The following TEX9 variants were observed in gnomAD, a reference collection of about 807,000 sequenced individuals.
TEX9 encodes the protein testis expressed 9.
Under a neutral mutation model 59.6 loss-of-function variants are expected in TEX9, and 74 were observed. The ratio of observed to expected loss-of-function variants is 1.24; its 90% CI spans 1.03 to 1.51. The LOEUF (loss-of-function observed/expected upper bound fraction) is 1.51, where lower values mean the gene tolerates loss of function less well. TEX9 is among the 40% of genes most tolerant of loss of function. The pLI, the probability that TEX9 is intolerant of heterozygous loss-of-function variation, is 0.00. For missense variants in TEX9, 522 were observed against 447.8 expected, an observed-to-expected ratio of 1.17 and a Z score of -1.49; for synonymous variants, 186 against 152.2, an observed-to-expected ratio of 1.22 and a Z score of -1.64.
At chr15:56,447,783 TA>T (rs2050918151), downstream of TEX9, 7 of 152,120 alleles carry the variant, frequency 4.6e-5, no homozygotes, top group Non-Finnish European at 1.5e-5. Flanking sequence ...ATCACTTCCT[TA>T]TAAACCTGTG....
At chr15:56,441,409 C>T (rs2050812108) in intron 12 of TEX9, among the ~76,000 whole-genome samples, 1 of 151,946 alleles carries the variant, frequency 6.6e-6, no homozygotes, top group African/African-American at 2.4e-5. Flanking sequence ...ATTGATATTG[C>T]TTTCAATACG....
the TEX9 span, among the ~76,000 whole-genome samples, chr15:56,457,805 C>A: frequency 6.6e-6 from 1 of 151,740 alleles, no homozygotes; most frequent in Non-Finnish European, 1.5e-5. Context: ...CAGAGCAAGA[C>A]CCTGTCTCTT....
chr15:56,424,198 C>G (rs1596234587), intron 10 of TEX9, among the ~76,000 whole-genome samples: 3 of 152,258 alleles, frequency 2.0e-5, no homozygotes, highest in African/African-American at 7.2e-5. Context: ...TATCTTCTTG[C>G]TGAACTGGCC....
intron 1 of TEX9, among the ~76,000 whole-genome samples, chr15:56,292,096 A>G (rs1383285612): frequency 1.3e-5 from 2 of 152,228 alleles, no homozygotes; most frequent in Non-Finnish European, 2.9e-5. Context: ...TGATTATTAT[A>G]TGGTGCTATG....
intron 12 of TEX9, chr15:56,431,614 A>G (rs1162679444): frequency 5.9e-6 from 5 of 843,388 alleles, no homozygotes; most frequent in Non-Finnish European, 8.9e-6. Context: ...TTATGACACT[A>G]AGTTCAAAAG....
At chr15:56,447,043 G>A, downstream of TEX9, 1 of 734,828 alleles carries the variant, frequency 1.4e-6, no homozygotes, top group African/African-American at 1.8e-5. Flanking sequence ...ACTCAAAGAG[G>A]GAATACAGCG....
rs1175622604 is a variant in TEX9 at position 56,339,400 on chromosome 15, A to C, written c.-106-34041A>C. Reference sequence around the variant, plus strand: ...TCCTTCTCCAAAAAAAAAAAAAAAAAAAAAAAAAAAAAAACAGGAGAATAA... The same window carrying C: ...TCCTTCTCCAAAAAAAAAAAAAAAACAAAAAAAAAAAAAACAGGAGAATAA... On this transcript the variant is annotated intron_variant, in intron 1 of 5. Coordinates refer to the TEX9 transcript ENST00000560827. 2.2e-5 allele frequency among the ~76,000 whole-genome samples: 3 copies of C among 135,244 alleles called. 1 individual carries two copies. The highest frequency in any genetic ancestry group is 4.7e-4 in the South Asian group (2 of 4,218). The allele number at this position is 135,244 out of a possible 152,430, so 88.7% of individuals were successfully genotyped here.
At chr15:56,294,244 G>T (rs936903100) in intron 1 of TEX9, among the ~76,000 whole-genome samples, 1 of 152,200 alleles carries the variant, frequency 6.6e-6, no homozygotes, top group Non-Finnish European at 1.5e-5. Context: ...CCCGTTATCT[G>T]CCCTGCCTTG....
intron 12 of TEX9, among the ~76,000 whole-genome samples, chr15:56,437,191 A>G (rs2050741522): frequency 6.6e-6 from 1 of 152,200 alleles, no homozygotes; most frequent in Admixed American, 6.5e-5. Flanking sequence ...AATATCCCTG[A>G]TGAACATTGA....
chr15:56,407,084 T>G (rs1052299846), intron 9 of TEX9, among the ~76,000 whole-genome samples: 6 of 150,168 alleles, frequency 4.0e-5, no homozygotes, highest in African/African-American at 1.5e-4. Flanking sequence ...TTATAGTGTT[T>G]GTGTGTGTGT....
intron 3 of TEX9, among the ~76,000 whole-genome samples, chr15:56,377,366 T>C (rs2047509037): frequency 6.6e-6 from 1 of 152,198 alleles, no homozygotes; most frequent in South Asian, 2.1e-4. Flanking sequence ...TTTAACAATA[T>C]TGATTTTTCT....
At chr15:56,329,455 C>T (rs188386870) in intron 1 of TEX9, among the ~76,000 whole-genome samples, 210 of 152,002 alleles carry the variant, frequency 1.4e-3, no homozygotes, top group Admixed American at 2.7e-3. Flanking sequence ...AATTTAGTTC[C>T]GGGATAAATC....
At chr15:56,361,577 T>G (rs1403823674), upstream of TEX9, among the ~76,000 whole-genome samples, 1 of 152,200 alleles carries the variant, frequency 6.6e-6, no homozygotes, top group Non-Finnish European at 1.5e-5. Flanking sequence ...TTGTATAATT[T>G]CGGTTATAGG....
chr15:56,285,076 C>A (rs2044918422), intron 1 of TEX9, among the ~76,000 whole-genome samples: 1 of 151,832 alleles, frequency 6.6e-6, no homozygotes, highest in Non-Finnish European at 1.5e-5. Context: ...TTAAACTCAC[C>A]CATATTCACT....
At chr15:56,446,632 T>C (rs1018869579), downstream of TEX9, among the ~76,000 whole-genome samples, 1 of 152,188 alleles carries the variant, frequency 6.6e-6, no homozygotes, top group Non-Finnish European at 1.5e-5. Context: ...TAGCTGGTCA[T>C]TCTAAGCAGC....
At chr15:56,426,461 T>A (rs1345814982) in intron 10 of TEX9, among the ~76,000 whole-genome samples, 1 of 151,326 alleles carries the variant, frequency 6.6e-6, no homozygotes, top group Non-Finnish European at 1.5e-5. Flanking sequence ...AAAGCTATTT[T>A]GGTCTGTGTA....
intron 12 of TEX9, among the ~76,000 whole-genome samples, chr15:56,433,751 T>C (rs1294269068): frequency 6.6e-6 from 1 of 152,206 alleles, no homozygotes; most frequent in Non-Finnish European, 1.5e-5. Context: ...GCCCACCTTC[T>C]TAAAATAGCA....
chr15:56,334,003 G>T (rs1413367528), intron 1 of TEX9, among the ~76,000 whole-genome samples: 1 of 152,000 alleles, frequency 6.6e-6, no homozygotes, highest in Non-Finnish European at 1.5e-5. Flanking sequence ...ACTGATACAA[G>T]AAATTGAAGA....
intron 1 of TEX9, among the ~76,000 whole-genome samples, chr15:56,298,720 C>T (rs2045273052): frequency 6.6e-6 from 1 of 152,124 alleles, no homozygotes; most frequent in Non-Finnish European, 1.5e-5. Flanking sequence ...TCTGGTTTAC[C>T]ACTCTAATGA....
Sources: gnomAD v4.1 joint callset for allele counts (sites outside exome capture counted in the v4.1 genomes callset) on GRCh38, gnomAD v4.1.1 for gene constraint, MANE v1.5 for transcripts, NCBI Gene and HGNC (gene_info 2026-07-23, HGNC 2026-07-21) for gene names.